The following CHD1 variants were observed in gnomAD, a reference collection of about 807,000 sequenced individuals.
CHD1 encodes chromodomain helicase DNA binding protein 1.
In CHD1, 36 loss-of-function variants were observed where a neutral mutation model predicts 224.2. The observed-to-expected ratio is 0.16, with a 90% confidence interval of 0.12 to 0.21. The LOEUF is 0.21. CHD1 is among the 10% of genes least tolerant of loss of function. The pLI is 1.00. For synonymous variants in CHD1, 668 were observed against 658.3 expected, an observed-to-expected ratio of 1.01 and a Z score of -0.23; for missense variants, 1,378 against 1,994.8, an observed-to-expected ratio of 0.69 and a Z score of 5.89.
intron 30 of CHD1, chr5:98,869,170 C>T (rs1749126537): frequency 1.0e-6 from 1 of 968,106 alleles, no homozygotes; most frequent in Middle Eastern, 5.2e-4. Flanking sequence ...TTGCTTCCCT[C>T]TTTTCTTCTG....
chr5:98,873,484 C>A (rs1162405904), intron 26 of CHD1, 109 bp downstream of exon 26: 2 of 850,336 alleles, frequency 2.4e-6, no homozygotes, highest in East Asian at 3.3e-5. Flanking sequence ...TATAAATAAC[C>A]TTTTGAGACT....
intron 2 of CHD1, among the ~76,000 whole-genome samples, chr5:98,911,194 G>A (rs1290559852): frequency 9.2e-6 from 1 of 109,138 alleles, no homozygotes; most frequent in Non-Finnish European, 1.9e-5. Context: ...TGTCAAAAAG[G>A]ACAGAGGAAA....
chr5:98,904,769 A>G lies in CHD1; in HGVS notation c.255+128T>C, dbSNP rs189541431. 2.5e-4 allele frequency: 216 copies of G among 854,810 alleles called. No homozygotes were observed. The African/African-American group carries it at 3.1e-3, about 12-fold the overall frequency. The allele number at this position is 854,810 out of a possible 1,614,324, so 53.0% of individuals were successfully genotyped here. A position where few individuals can be genotyped will look rare whatever the true frequency, so the allele number is the denominator to read the frequency against. ...TACCACCATGAATGTGAGAATCACT[A>G]AAAGTAAATTTTAATTTAAAATGTT... is the stretch of plus-strand genomic sequence containing the variant. On this transcript the variant is annotated intron_variant, in intron 3 of 35. Transcript: ENST00000614616.
intron 32 of CHD1, among the ~76,000 whole-genome samples, chr5:98,863,070 C>T (rs1434657353): frequency 2.0e-5 from 3 of 151,988 alleles, no homozygotes; most frequent in Non-Finnish European, 4.4e-5. Context: ...CAACAATAAA[C>T]TTTGTGGGAA....
chr5:98,923,390 T>C (rs1324079699), intron 2 of CHD1, among the ~76,000 whole-genome samples: 2 of 151,994 alleles, frequency 1.3e-5, no homozygotes, highest in Admixed American at 1.3e-4. Context: ...TTGTAAAAGA[T>C]TCCTTAAATT....
chr5:98,861,907 A>G (rs1220727212), intron 32 of CHD1, among the ~76,000 whole-genome samples: 1 of 151,986 alleles, frequency 6.6e-6, no homozygotes, highest in African/African-American at 2.4e-5. Flanking sequence ...AATTCCCCCC[A>G]GCACTTTGGG....
chr5:98,878,049 A>G (rs1042866643), intron 23 of CHD1, among the ~76,000 whole-genome samples: 3 of 152,228 alleles, frequency 2.0e-5, no homozygotes, highest in African/African-American at 4.8e-5. Flanking sequence ...GACAGAAATC[A>G]AGTACCATAC....
chr5:98,928,665 G>C lies in CHD1; in HGVS notation c.-275C>G, dbSNP rs1753670288. The C allele has an allele frequency of 6.5e-6, 1 of 152,824 alleles. No individual in the cohort carries two copies. Among genetic ancestry groups the C allele is most frequent in the African/African-American group, 2.4e-5 (1 of 41,440 alleles). The allele number at this position is 152,824 out of a possible 1,614,324, so 9.5% of individuals were successfully genotyped here. ...GGGGTAAGCAAGAGTCCGTGCGGGG[G>C]AGGGGGAAGGGGACAGACGCGGAGG... On this transcript the variant is annotated 5_prime_UTR_variant, in exon 1 of 36. Coordinates refer to ENST00000614616, the MANE Select transcript of CHD1 (RefSeq NM_001270.4).
Position 98,856,731 on chromosome 5 carries a change from A to G in CHD1, c.4788-6T>C, listed in dbSNP as rs1165531708. On this transcript the variant is annotated splice_polypyrimidine_tract_variant and splice_region_variant and intron_variant, in intron 35 of 35. Transcript: ENST00000614616. ...TCTCTCTGTCACTGTAATATCTAAT[A>G]AAGAAAAATTGAGAATTTTAGACAA... The G allele has an allele frequency of 1.3e-6, 2 of 1,536,936 alleles. No individual in the cohort carries two copies. The highest frequency in any genetic ancestry group is 1.9e-5 in the Admixed American group (1 of 51,870).
At chr5:98,902,566 T>C (rs527508841) in intron 5 of CHD1, among the ~76,000 whole-genome samples, 1 of 152,124 alleles carries the variant, frequency 6.6e-6, no homozygotes, top group East Asian at 1.9e-4. Context: ...ATAAGAACCA[T>C]CCAAAATCAG....
chr5:98,925,723 G>A (rs1025066070), intron 2 of CHD1, among the ~76,000 whole-genome samples: 25 of 152,048 alleles, frequency 1.6e-4, no homozygotes, highest in African/African-American at 5.8e-4. Flanking sequence ...ATAAAAAAGG[G>A]CCACAGTAAT....
At chr5:98,890,299 T>G (rs1750929839) in intron 15 of CHD1, among the ~76,000 whole-genome samples, 1 of 152,202 alleles carries the variant, frequency 6.6e-6, no homozygotes, top group Non-Finnish European at 1.5e-5. Flanking sequence ...ACATACTCTT[T>G]TATTACCATT....
At chr5:98,923,002 A>G (rs1254134446) in intron 2 of CHD1, among the ~76,000 whole-genome samples, 2 of 152,218 alleles carry the variant, frequency 1.3e-5, no homozygotes, top group African/African-American at 4.8e-5. Flanking sequence ...AAAAAGAAAA[A>G]AAATTACTCT....
At chr5:98,877,064 A>C (rs561324736) in intron 23 of CHD1, among the ~76,000 whole-genome samples, 258 of 152,284 alleles carry the variant, frequency 1.7e-3, no homozygotes, top group Middle Eastern at 3.4e-3. Flanking sequence ...TTCCAGCTAC[A>C]TGAGAGGCTG....
chr5:98,920,910 T>C (rs1468768824), intron 2 of CHD1, among the ~76,000 whole-genome samples: 1 of 151,960 alleles, frequency 6.6e-6, no homozygotes, highest in African/African-American at 2.4e-5. Flanking sequence ...TTAGAAACTC[T>C]CACAGATGAA....
At position 98,924,774 on chromosome 5, in the gene CHD1, G is replaced by A. The variant is rs79832753; in HGVS notation, c.53+1560C>T. On this transcript the variant is annotated intron_variant, in intron 2 of 35. Coordinates refer to ENST00000614616, the MANE Select transcript of CHD1 (RefSeq NM_001270.4). ...GTGGATCACTTGAGGCCAGGAGTTC[G>A]AGACCAGCCTGGCCAATGTGGCGAA... Among the ~76,000 whole-genome samples, 677 of 152,120 alleles carry A rather than the reference G, an allele frequency of 4.5e-3. 13 individuals are homozygous for A. The East Asian group carries it at 0.059, about 13-fold the overall frequency.
At chr5:98,914,431 T>C (rs1388627256) in intron 2 of CHD1, among the ~76,000 whole-genome samples, 2 of 152,218 alleles carry the variant, frequency 1.3e-5, no homozygotes, top group South Asian at 2.1e-4. Context: ...GAACAGGTTT[T>C]ATACATACAC....
intron 9 of CHD1, 100 bp downstream of exon 9, chr5:98,898,564 G>T: frequency 8.4e-7 from 1 of 1,191,138 alleles, no homozygotes; most frequent in Non-Finnish European, 1.2e-6. Context: ...TTTAGTAAGA[G>T]CAAGCTACTG....
intron 2 of CHD1, among the ~76,000 whole-genome samples, chr5:98,914,786 T>C (rs1752634639): frequency 6.6e-6 from 1 of 152,220 alleles, no homozygotes; most frequent in African/African-American, 2.4e-5. Flanking sequence ...CATTCCCTGG[T>C]TTCCCCAGGC....
Sources: allele counts gnomAD v4.1 joint callset (sites outside exome capture counted in the v4.1 genomes callset), GRCh38; gene constraint gnomAD v4.1.1; transcripts MANE v1.5; gene names NCBI Gene and HGNC (gene_info 2026-07-23, HGNC 2026-07-21).